The following ANGPT4 variants were observed in gnomAD, a reference collection of about 807,000 sequenced individuals.
ANGPT4 encodes the protein angiopoietin-4.
In ANGPT4, 50 loss-of-function variants were observed where a neutral mutation model predicts 53.0. The observed-to-expected ratio is 0.94, with a 90% CI of 0.75 to 1.20. The LOEUF (loss-of-function observed/expected upper bound fraction) is 1.20. Ranked by LOEUF, ANGPT4 falls within the 50% of genes most tolerant of loss-of-function variation. The probability of loss-of-function intolerance (pLI) is 0.00; values close to 1 mark genes in which losing one functional copy is unlikely to be tolerated. For synonymous variants in ANGPT4, 251 were observed against 259.7 expected (o/e 0.97, Z 0.32); for missense variants, 648 against 637.1 (o/e 1.02, Z -0.18).
intron 7 of ANGPT4, among the ~76,000 whole-genome samples, chr20:874,668 G>A (rs982862293): frequency 2.0e-5 from 3 of 152,196 alleles, no homozygotes; most frequent in African/African-American, 7.2e-5. Flanking sequence ...CTGAGTCTTG[G>A]AGAGAAGTGA....
chr20:890,612 A>C (rs187553715), intron 1 of ANGPT4, among the ~76,000 whole-genome samples: 47 of 152,132 alleles, frequency 3.1e-4, no homozygotes, highest in African/African-American at 1.1e-3. Flanking sequence ...TGCACAGTCC[A>C]TCCCCCACTA....
At chr20:878,738 T>C (rs1336566822) in intron 6 of ANGPT4, among the ~76,000 whole-genome samples, 3 of 152,188 alleles carry the variant, frequency 2.0e-5, no homozygotes, top group African/African-American at 7.2e-5. Context: ...CCTTACACTT[T>C]ATTTGTGCGC....
At chr20:898,784 G>T (rs547545280) in intron 1 of ANGPT4, among the ~76,000 whole-genome samples, 7 of 152,328 alleles carry the variant, frequency 4.6e-5, no homozygotes, top group South Asian at 2.1e-4. Context: ...GCAGACAGTT[G>T]TTCCTCCAGG....
intron 1 of ANGPT4, among the ~76,000 whole-genome samples, chr20:896,652 T>C (rs969007957): frequency 6.6e-6 from 1 of 151,884 alleles, no homozygotes; most frequent in African/African-American, 2.4e-5. Context: ...GCAGAGAGAG[T>C]AGTGCTTTGT....
intron 3 of ANGPT4, among the ~76,000 whole-genome samples, chr20:886,386 CA>C (rs1357438862): frequency 6.6e-6 from 1 of 152,168 alleles, no homozygotes; most frequent in Non-Finnish European, 1.5e-5. Context: ...GCAAGCATGT[CA>C]TGCAGTTATA....
intron 1 of ANGPT4, among the ~76,000 whole-genome samples, chr20:907,563 A>G (rs1171853974): frequency 6.6e-6 from 1 of 152,158 alleles, no homozygotes; most frequent in Non-Finnish European, 1.5e-5. Flanking sequence ...AACAGTTATT[A>G]TGTGGTCAGC....
intron 2 of ANGPT4, among the ~76,000 whole-genome samples, chr20:889,058 G>T (rs910447696): frequency 6.6e-6 from 1 of 152,050 alleles, no homozygotes; most frequent in Non-Finnish European, 1.5e-5. Flanking sequence ...TCCTCCCTCC[G>T]GGCCTTTGCA....
At chr20:878,049 A>C in intron 7 of ANGPT4, 112 bp downstream of exon 7, 41 of 1,205,582 alleles carry the variant, frequency 3.4e-5, no homozygotes, top group Non-Finnish European at 4.1e-5. Flanking sequence ...GGAACAGGAG[A>C]CACCCAGAGA....
chr20:906,286 G>A (rs971933048), intron 1 of ANGPT4, among the ~76,000 whole-genome samples: 2 of 152,116 alleles, frequency 1.3e-5, no homozygotes, highest in Non-Finnish European at 2.9e-5. Flanking sequence ...GAGGGGAACT[G>A]AGGCCTTCTA....
At chr20:879,678 C>A (rs1981314638) in intron 6 of ANGPT4, 69 bp downstream of exon 6, 9 of 1,393,474 alleles carry the variant, frequency 6.5e-6, no homozygotes, top group Non-Finnish European at 9.0e-6. Flanking sequence ...AAGCAGTCCC[C>A]TTCCAACAGC....
intron 1 of ANGPT4, among the ~76,000 whole-genome samples, chr20:912,830 G>A (rs1390787924): frequency 6.6e-6 from 1 of 152,184 alleles, no homozygotes; most frequent in Non-Finnish European, 1.5e-5. Flanking sequence ...AGCACCAAGA[G>A]CATCCCATCC....
chr20:889,190 C>T (rs1981738530), intron 2 of ANGPT4, among the ~76,000 whole-genome samples: 1 of 151,878 alleles, frequency 6.6e-6, no homozygotes, highest in Admixed American at 6.6e-5. Flanking sequence ...CCACCACTCC[C>T]AATGCACCCC....
At chr20:913,022 G>C (rs2122141601) in intron 1 of ANGPT4, among the ~76,000 whole-genome samples, 1 of 152,262 alleles carries the variant, frequency 6.6e-6, no homozygotes, top group East Asian at 1.9e-4. Context: ...TGGGGGCACA[G>C]GCTGAGCAGA....
intron 3 of ANGPT4, 88 bp downstream of exon 3, chr20:888,230 T>C (rs1981688994): frequency 2.0e-6 from 3 of 1,512,436 alleles, no homozygotes; most frequent in African/African-American, 1.4e-5. Flanking sequence ...GCCCCAGTCC[T>C]AGCCCTGGCT....
At chr20:879,664 G>A in intron 6 of ANGPT4, 83 bp downstream of exon 6, 1 of 1,184,930 alleles carries the variant, frequency 8.4e-7, no homozygotes. Context: ...GAGGAATGAG[G>A]GCAAAGCAGT....
chr20:879,698 G>C (rs903368694), intron 6 of ANGPT4, 49 bp downstream of exon 6: 1 of 1,539,926 alleles, frequency 6.5e-7, no homozygotes, highest in Non-Finnish European at 8.9e-7. Context: ...CCCAGCCCCA[G>C]CCCCAGGTTT....
chr20:885,510 A>G (rs1473777453), intron 3 of ANGPT4, among the ~76,000 whole-genome samples, 185 bp from the exon 4 acceptor site: 1 of 152,148 alleles, frequency 6.6e-6, no homozygotes, highest in Non-Finnish European at 1.5e-5. Flanking sequence ...CTGGAGTAAT[A>G]TAGATTGAGG....
chr20:909,466 C>T (rs1256471045), intron 1 of ANGPT4, among the ~76,000 whole-genome samples: 3 of 152,268 alleles, frequency 2.0e-5, no homozygotes, highest in African/African-American at 7.2e-5. Flanking sequence ...AATAATCTCA[C>T]AGATGTAAAG....
intron 1 of ANGPT4, among the ~76,000 whole-genome samples, chr20:901,675 G>A (rs1982293199): frequency 6.6e-6 from 1 of 152,232 alleles, no homozygotes; most frequent in South Asian, 2.1e-4. Flanking sequence ...GACTTTGGGA[G>A]GCCAAGGTGG....
Sources: gnomAD v4.1 joint callset for allele counts (sites outside exome capture counted in the v4.1 genomes callset) on GRCh38, gnomAD v4.1.1 for gene constraint, MANE v1.5 for transcripts, NCBI Gene and HGNC (gene_info 2026-07-23, HGNC 2026-07-21) for gene names.